Variants in ATP11C observed in about 807,000 individuals in gnomAD.
ATP11C encodes the protein phospholipid-transporting ATPase IG.
In ATP11C, 36 loss-of-function variants were observed where a neutral mutation model predicts 97.4. The ratio of observed to expected loss-of-function variants is 0.37; its 90% confidence interval spans 0.28 to 0.49. ATP11C has a LOEUF of 0.49. Among genes scored for constraint, ATP11C ranks in the 20% least tolerant of loss-of-function variants. The pLI, the probability that ATP11C is intolerant of heterozygous loss-of-function variation, is 0.98. For missense variants in ATP11C, 730 were observed against 824.6 expected (o/e 0.89, Z 1.40); for synonymous variants, 275 against 290.9 (o/e 0.95, Z 0.56).
At chrX:139,817,041 CA>C (rs1371923056) in intron 3 of ATP11C, 98 bp from the exon 4 acceptor site, 1 of 470,719 alleles carries the variant, frequency 2.1e-6, no homozygotes, top group East Asian at 4.6e-5. Flanking sequence ...GAAACATAGA[CA>C]AAACACTTTC....
Position 139,765,295 on chromosome X carries a change from G to A in ATP11C, c.2392-1877C>T, listed in dbSNP as rs190910413. Among the ~76,000 whole-genome samples the A allele has an allele frequency of 9.1e-3, 1,013 of 111,707 alleles. 11 individuals carry two copies. Among genetic ancestry groups the A allele is most frequent in the African/African-American group, 0.031 (961 of 30,776 alleles). On this transcript the variant is annotated intron_variant, in intron 20 of 29. Transcript: ENST00000682941. ...ATAGCTTGCTTTATATTGTATACAG[G>A]AATGTGCTAAGAGCCAAAACAGATA...
chrX:139,870,226 C>T (rs1025135222), intron 1 of ATP11C, among the ~76,000 whole-genome samples: 2 of 111,831 alleles, frequency 1.8e-5, no homozygotes, highest in African/African-American at 6.5e-5. Context: ...AATAAAGCTG[C>T]TTTAAAAATT....
intron 12 of ATP11C, among the ~76,000 whole-genome samples, chrX:139,794,066 C>T (rs945026613): frequency 6.3e-5 from 7 of 111,861 alleles, no homozygotes; most frequent in African/African-American, 1.9e-4. Flanking sequence ...AGTAGCCCCA[C>T]GGGTTTTTCA....
intron 5 of ATP11C, among the ~76,000 whole-genome samples, chrX:139,807,532 G>A (rs1477615930): frequency 1.8e-5 from 2 of 111,488 alleles, no homozygotes; most frequent in African/African-American, 6.5e-5. Context: ...ATTAAAAAAT[G>A]AGATGCACAA....
chrX:139,769,285 T>C (rs1175901874), intron 19 of ATP11C, among the ~76,000 whole-genome samples: 4 of 21,448 alleles, frequency 1.9e-4, no homozygotes, highest in African/African-American at 9.4e-4. Flanking sequence ...AACATACATA[T>C]ATATATATAT....
At chrX:139,844,324 G>A (rs1016078859) in intron 1 of ATP11C, among the ~76,000 whole-genome samples, 51 of 112,484 alleles carry the variant, frequency 4.5e-4, no homozygotes, top group Admixed American at 1.2e-3. Flanking sequence ...GAGTAGCAGA[G>A]AGTGGAGGGC....
At chrX:139,891,251 C>T (rs1242673039) in intron 1 of ATP11C, among the ~76,000 whole-genome samples, 1 of 104,429 alleles carries the variant, frequency 9.6e-6, no homozygotes, top group African/African-American at 3.5e-5. Flanking sequence ...TGTATTTTAG[C>T]TGAAAAGCTG....
At chrX:139,767,358 G>A (rs185854719) in intron 20 of ATP11C, among the ~76,000 whole-genome samples, 1 of 111,486 alleles carries the variant, frequency 9.0e-6, no homozygotes, top group East Asian at 2.8e-4. Context: ...TGAGAGCTAT[G>A]ACAAAAGGTA....
At chrX:139,920,414 A>T (rs2085240567) in intron 1 of ATP11C, among the ~76,000 whole-genome samples, 1 of 110,501 alleles carries the variant, frequency 9.0e-6, no homozygotes, top group African/African-American at 3.3e-5. Context: ...ACAAATCTTG[A>T]AAATATTACT....
At chrX:139,858,786 A>G (rs1204329849) in intron 1 of ATP11C, among the ~76,000 whole-genome samples, 1 of 112,418 alleles carries the variant, frequency 8.9e-6, no homozygotes, top group Non-Finnish European at 1.9e-5. Context: ...GAGCTGATTC[A>G]TAGTGATATG....
chrX:139,879,926 G>A (rs928242078), intron 1 of ATP11C, among the ~76,000 whole-genome samples: 6 of 111,118 alleles, frequency 5.4e-5, no homozygotes, highest in Non-Finnish European at 1.1e-4. Flanking sequence ...CACCTGGAAG[G>A]ACTTCTGGGG....
intron 1 of ATP11C, among the ~76,000 whole-genome samples, chrX:139,871,516 C>A: frequency 1.3e-5 from 1 of 77,192 alleles, no homozygotes; most frequent in South Asian, 6.5e-4. Flanking sequence ...GCCACCCCCG[C>A]TTTTTTTTTT....
At chrX:139,896,162 A>C (rs1361338650) in intron 1 of ATP11C, among the ~76,000 whole-genome samples, 1 of 111,664 alleles carries the variant, frequency 9.0e-6, no homozygotes, top group Non-Finnish European at 1.9e-5. Context: ...TGTAAACCTA[A>C]GAAACACTAC....
chrX:139,854,313 A>G (rs1466651957), intron 1 of ATP11C, among the ~76,000 whole-genome samples: 2 of 112,553 alleles, frequency 1.8e-5, no homozygotes, highest in Non-Finnish European at 3.8e-5. Context: ...GTTTTCAACA[A>G]AAGTAAAGTT....
rs191747127 is a variant in ATP11C, at chrX:139,841,884, A to T, written c.28-15061T>A. On this transcript the variant is annotated intron_variant, in intron 1 of 29. Coordinates refer to ENST00000682941, the MANE Select transcript of ATP11C (RefSeq NM_001353812.2). ...TTTTTTAAGTGATTTCCCTAAGGAA[A>T]GTTATTTCTTCCTCGTTCCCCTAGC... Among the ~76,000 whole-genome samples, 44 of 112,469 alleles carry T rather than the reference A, an allele frequency of 3.9e-4. No individual in the cohort carries two copies. The South Asian group carries it at 6.6e-3, about 17-fold the overall frequency.
At chrX:139,933,203 G>C (rs748465104), upstream of ATP11C, 66 of 110,593 alleles carry the variant, frequency 6.0e-4, no homozygotes, top group African/African-American at 2.1e-3. Context: ...ACCGCGGGCT[G>C]GGAGCTCCCC....
chrX:139,927,647 A>G (rs893309270), intron 1 of ATP11C, among the ~76,000 whole-genome samples: 4 of 109,494 alleles, frequency 3.7e-5, no homozygotes, highest in Non-Finnish European at 7.6e-5. Context: ...AAAGAAGGGG[A>G]TATTTTGTGG....
At chrX:139,808,077 A>C (rs1181016036) in intron 5 of ATP11C, among the ~76,000 whole-genome samples, 1 of 112,280 alleles carries the variant, frequency 8.9e-6, no homozygotes, top group Non-Finnish European at 1.9e-5. Context: ...ATGTAAAGTC[A>C]GAAATGAAAA....
chrX:139,920,264 T>A (rs1175483674), intron 1 of ATP11C, among the ~76,000 whole-genome samples: 2 of 104,848 alleles, frequency 1.9e-5, no homozygotes, highest in Admixed American at 1.1e-4. Context: ...GGCTGAGGCA[T>A]GAGAATCGCT....
Sources: allele counts gnomAD v4.1 joint callset (sites outside exome capture counted in the v4.1 genomes callset), GRCh38; gene constraint gnomAD v4.1.1; transcripts MANE v1.5; gene names NCBI Gene and HGNC (gene_info 2026-07-23, HGNC 2026-07-21).